NOS2: variants seen among roughly 807,000 people sequenced by gnomAD.
The protein encoded by NOS2 is nitric oxide synthase, inducible.
In NOS2, 96 loss-of-function variants were observed where a neutral mutation model predicts 136.0. The ratio of observed to expected loss-of-function variants is 0.71; its 90% confidence interval spans 0.60 to 0.84. NOS2 has a LOEUF of 0.84. Ranked by LOEUF, NOS2 falls within the 40% of genes least tolerant of loss-of-function variation. The probability of loss-of-function intolerance (pLI) is 0.00; values close to 1 mark genes in which losing one functional copy is unlikely to be tolerated. For synonymous variants in NOS2, 539 were observed against 587.5 expected (o/e 0.92, Z 1.20); for missense variants, 1,237 against 1,496.9 (o/e 0.83, Z 2.87).
rs150705488 is a variant in NOS2 at position 27,798,618 on chromosome 17, G to C, written c.110+82C>G. 27 of 827,780 alleles carry C rather than the reference G, an allele frequency of 3.3e-5. No individual in the cohort carries two copies. The East Asian group carries it at 6.5e-4, about 20-fold the overall frequency. 51.3% of individuals were successfully genotyped at this position (827,780 alleles called of 1,614,324 possible). On this transcript the variant is annotated intron_variant, in intron 2 of 26. Coordinates refer to ENST00000313735, the MANE Select transcript of NOS2 (RefSeq NM_000625.4). Reference sequence around the variant, plus strand: ...CCTCAGGTGAGAGAGGAGGAGCAGAGAGAGGAATTCTGAGTCATCGGTGCC... The same window carrying C: ...CCTCAGGTGAGAGAGGAGGAGCAGACAGAGGAATTCTGAGTCATCGGTGCC...
chr17:27,776,825 T>C (rs1334382867), intron 11 of NOS2, among the ~76,000 whole-genome samples: 1 of 152,172 alleles, frequency 6.6e-6, no homozygotes, highest in Non-Finnish European at 1.5e-5. Flanking sequence ...TTAACTCTTA[T>C]AATCCTCAGA....
At position 27,762,963 on chromosome 17, in the gene NOS2, A is replaced by G; in HGVS notation, c.2635T>C (p.Phe879Leu). 1.2e-6 allele frequency: 2 copies of G among 1,606,378 alleles called. No individual in the cohort carries two copies. The highest frequency in any genetic ancestry group is 1.7e-6 in the Non-Finnish European group (2 of 1,177,128). The stretch of plus-strand genomic sequence containing the variant: ...GGGAACTCCTCTAGCACCTCCAGGA[A>G]TGTGGGGCTGTTGGTGAACTTCCAC... ...SKWKFTNSPT[F>L]LEVLEEFPSL... The change falls in exon 22 of 27, where the codon TTC (phenylalanine) becomes CTC (leucine). Residue 879 changes from phenylalanine (F) to leucine (L), a missense_variant. Physicochemically the swap from Phe to Leu is conservative, Grantham distance 22. Around this residue, in one of 3 missense-constraint regions of NOS2, gnomAD observed 782 missense variants for 909.9 expected, o/e 0.86. Transcript: ENST00000313735.
chr17:27,788,212 A>ACACACACACG (rs1909081619), intron 4 of NOS2, among the ~76,000 whole-genome samples: 2 of 151,858 alleles, frequency 1.3e-5, no homozygotes, highest in African/African-American at 2.4e-5. Flanking sequence ...ACACACACAC[A>ACACACACACG]CACACACACA....
rs200310034 is a variant in NOS2 at position 27,778,891 on chromosome 17, G to A, written c.1170C>T (p.Asn390=). The change falls in exon 10 of 27, where the codon AAC becomes AAT. Residue 390 remains asparagine (N), a synonymous_variant. Transcript: ENST00000313735. Reference sequence around the variant, plus strand: ...GGGCTGGCTGGGTTACCTCCAGGATGTTGTAGCGCTGGACGTCACAGAAGT... The same window carrying A: ...GGGCTGGCTGGGTTACCTCCAGGATATTGTAGCGCTGGACGTCACAGAAGT... ...VRDFCDVQRY[N]ILEEVGRRMG... The A allele has an allele frequency of 1.2e-6, 2 of 1,608,934 alleles. No homozygotes were observed. The highest frequency in any genetic ancestry group is 1.7e-6 in the Non-Finnish European group (2 of 1,175,946).
At chr17:27,796,679 A>C (rs1314133267) in intron 2 of NOS2, among the ~76,000 whole-genome samples, 2 of 152,072 alleles carry the variant, frequency 1.3e-5, no homozygotes, top group African/African-American at 4.8e-5. Flanking sequence ...AGGCTCTAGA[A>C]TAGGGGCGTG....
At chr17:27,766,708 G>A in intron 18 of NOS2, 120 bp from the exon 19 acceptor site, 4 of 758,312 alleles carry the variant, frequency 5.3e-6, no homozygotes, top group Non-Finnish European at 9.3e-6. Flanking sequence ...CTGCTGAGGT[G>A]GCCGTTGGGT....
intron 21 of NOS2, 87 bp from the exon 22 acceptor site, chr17:27,763,092 T>C (rs1272757910): frequency 5.1e-5 from 45 of 875,380 alleles, no homozygotes; most frequent in South Asian, 3.5e-5. Context: ...CATTCATTCA[T>C]TCACTCACTC....
intron 26 of NOS2, among the ~76,000 whole-genome samples, chr17:27,757,856 C>T (rs181707389): frequency 6.6e-6 from 1 of 152,204 alleles, no homozygotes; most frequent in Non-Finnish European, 1.5e-5. Flanking sequence ...CCTCACTGTT[C>T]TTCAAACACG....
chr17:27,782,206 C>A (rs1320328162), intron 6 of NOS2, 100 bp from the exon 7 acceptor site: 1 of 977,910 alleles, frequency 1.0e-6, no homozygotes, highest in African/African-American at 1.6e-5. Context: ...AGCCGAAACA[C>A]TCAACACACA....
In NOS2 at chr17:27,765,665, G is replaced by A; in HGVS notation, c.2298C>T (p.Asn766=). 1 of 1,613,476 alleles carries A rather than the reference G, an allele frequency of 6.2e-7. No homozygotes were observed. The highest frequency in any genetic ancestry group is 8.5e-7 in the Non-Finnish European group (1 of 1,179,980). The change falls in exon 20 of 27, where the codon AAC becomes AAT. Residue 766 remains asparagine (N), a synonymous_variant. Transcript: ENST00000313735. ...ELSCEDGQGL[N]YLPGEHLGVC... ...CCCCAAGGTGCTCCCCCGGCAGGTA[G>A]TTCAGGCCTTGGCCATCCTCACAGG...
intron 11 of NOS2, among the ~76,000 whole-genome samples, chr17:27,774,909 C>T (rs1032180307): frequency 2.1e-4 from 32 of 152,172 alleles, no homozygotes; most frequent in African/African-American, 9.7e-5. Context: ...CAGACCCCTC[C>T]GTGGGGAGGT....
intron 19 of NOS2, 46 bp from the exon 20 acceptor site, chr17:27,765,762 C>T (rs544288006): frequency 1.3e-6 from 2 of 1,536,542 alleles, no homozygotes; most frequent in African/African-American, 2.8e-5. Flanking sequence ...AGGATTTCCT[C>T]CAGGGCTCCT....
chr17:27,759,728 C>T (rs1315098101), intron 25 of NOS2, among the ~76,000 whole-genome samples: 1 of 152,144 alleles, frequency 6.6e-6, no homozygotes, highest in Non-Finnish European at 1.5e-5. Context: ...GCGTAGCCAG[C>T]CTGGACCACC....
At chr17:27,799,365 T>C (rs1032766355) in intron 1 of NOS2, among the ~76,000 whole-genome samples, 1 of 152,246 alleles carries the variant, frequency 6.6e-6, no homozygotes, top group African/African-American at 2.4e-5. Context: ...CTTTTAAAGA[T>C]TTTGCAGTTG....
chr17:27,768,820 T>C (rs28999417), intron 17 of NOS2, among the ~76,000 whole-genome samples, 157 bp downstream of exon 17: 66 of 152,338 alleles, frequency 4.3e-4, no homozygotes, highest in Admixed American at 3.7e-3. Context: ...AGCAGTGACC[T>C]AAGCCCTCAG....
In NOS2 at chr17:27,773,108, A is replaced by G. The variant is rs968260422; in HGVS notation, c.1559+53T>C. The G allele has an allele frequency of 4.4e-6, 6 of 1,356,380 alleles. No homozygotes were observed. The African/African-American group carries it at 8.6e-5, about 19-fold the overall frequency. 84.0% of individuals were successfully genotyped at this position (1,356,380 alleles called of 1,614,324 possible). A position where few individuals can be genotyped will look rare whatever the true frequency, so the allele number is the denominator to read the frequency against. On this transcript the variant is annotated intron_variant, in intron 13 of 26. Transcript: ENST00000313735. ...AGGACTGGAGGCAGAGGCTGACTAG[A>G]AGGGAGAGATATAGTTCACACATCA...
chr17:27,774,320 G>A lies in NOS2; in HGVS notation c.1413C>T (p.Ser471=). The change falls in exon 12 of 27, where the codon AGC becomes AGT. Residue 471 remains serine, a synonymous_variant. Coordinates refer to ENST00000313735, the MANE Select transcript of NOS2 (RefSeq NM_000625.4). Reference sequence around the variant, plus strand: ...TCTCCTGGTGAAACACGGGGGTGATGCTCCCAGACATGGGAGGGACCAGCC... The same window carrying A: ...TCTCCTGGTGAAACACGGGGGTGATACTCCCAGACATGGGAGGGACCAGCC... ...WIWLVPPMSG[S]ITPVFHQEML... is the part of the protein sequence containing the mutation. 1.3e-6 allele frequency: 2 copies of A among 1,577,580 alleles called. No homozygotes were observed. The highest frequency in any genetic ancestry group is 1.7e-6 in the Non-Finnish European group (2 of 1,162,614).
At chr17:27,775,891 T>C (rs958249576) in intron 11 of NOS2, among the ~76,000 whole-genome samples, 1 of 152,250 alleles carries the variant, frequency 6.6e-6, no homozygotes, top group African/African-American at 2.4e-5. Flanking sequence ...ATAATCTCCA[T>C]CTGCCAGGCA....
rs1908401514 is a variant in NOS2, at chr17:27,769,028, C to T, written c.1983G>A (p.Glu661=). ...GGAAGGCGTCCTCCTGCCCACTGAG[C>T]TCATCCCCTTCTCCCATCGGGGTGA... ...SQLTPMGEGD[E]LSGQEDAFRS... The change falls in exon 17 of 27, where the codon GAG becomes GAA. Residue 661 remains glutamate (E), a synonymous_variant. Coordinates refer to ENST00000313735, the MANE Select transcript of NOS2 (RefSeq NM_000625.4). 1 of 1,612,622 alleles carries T rather than the reference C, an allele frequency of 6.2e-7. No homozygotes were observed. The highest frequency in any genetic ancestry group is 1.3e-5 in the African/African-American group (1 of 75,032).
Sources: allele counts gnomAD v4.1 joint callset (sites outside exome capture counted in the v4.1 genomes callset), GRCh38; gene constraint gnomAD v4.1.1; regional missense constraint gnomAD v4.1.1; transcripts MANE v1.5; gene names NCBI Gene and HGNC (gene_info 2026-07-23, HGNC 2026-07-21).